SYT1: variants seen among roughly 807,000 people sequenced by gnomAD.
SYT1 encodes the protein synaptotagmin-1.
In SYT1, 8 loss-of-function variants were observed where a neutral mutation model predicts 44.8. That is an observed-to-expected ratio of 0.18 (90% CI 0.10 to 0.32). SYT1 has a LOEUF of 0.32. Ranked by LOEUF, SYT1 falls within the 10% of genes least tolerant of loss-of-function variation. The pLI is 1.00. For synonymous variants in SYT1, 154 were observed against 188.8 expected, an observed-to-expected ratio of 0.82 and a Z score of 1.51; for missense variants, 286 against 509.3, an observed-to-expected ratio of 0.56 and a Z score of 4.22.
chr12:78,916,006 G>C (rs533321354), intron 1 of SYT1, among the ~76,000 whole-genome samples: 16 of 152,094 alleles, frequency 1.1e-4, no homozygotes, highest in African/African-American at 3.9e-4. Context: ...ATTTATTCTA[G>C]ACTTTAATCG....
chr12:79,410,821 T>C (rs1456590016), intron 9 of SYT1, among the ~76,000 whole-genome samples: 1 of 152,302 alleles, frequency 6.6e-6, no homozygotes, highest in East Asian at 1.9e-4. Flanking sequence ...TATTGGGGGC[T>C]GTATCAAAAA....
rs373462016 is a variant in SYT1, at chr12:79,324,311, T to G, written c.810+24760T>G. Among the ~76,000 whole-genome samples the G allele has an allele frequency of 3.2e-4, 49 of 152,312 alleles. 1 individual carries two copies. Among genetic ancestry groups the G allele is most frequent in the East Asian group, 9.6e-4 (5 of 5,186 alleles). On this transcript the variant is annotated intron_variant, in intron 8 of 10. Coordinates refer to ENST00000261205, the MANE Select transcript of SYT1 (RefSeq NM_005639.3). ...ACACACAGGGAGATAACACATTTGATGTAACAAATGACCGTGCTTTCAGAA... is the reference window on the plus strand; with the variant it reads ...ACACACAGGGAGATAACACATTTGAGGTAACAAATGACCGTGCTTTCAGAA...
rs138404231 is a variant in SYT1, at chr12:78,927,039, G to T, written c.-216-50760G>T. On this transcript the variant is annotated intron_variant, in intron 1 of 10. Coordinates refer to ENST00000261205, the MANE Select transcript of SYT1 (RefSeq NM_005639.3). ...AGTAATACACAGATGCTTACTGATT[G>T]GTTAGTACCCTTCTTTCACATTTCT... Among the ~76,000 whole-genome samples, 57 of 152,138 alleles carry T rather than the reference G, an allele frequency of 3.7e-4. 1 individual carries two copies. In the East Asian group the frequency reaches 0.01, roughly 27 times the overall value.
At chr12:78,984,224 C>T (rs1175690777) in intron 2 of SYT1, among the ~76,000 whole-genome samples, 1 of 151,680 alleles carries the variant, frequency 6.6e-6, no homozygotes, top group African/African-American at 2.4e-5. Context: ...CCTTACATAC[C>T]TGTGATGGTT....
chr12:79,152,676 A>T (rs899562002), intron 3 of SYT1, among the ~76,000 whole-genome samples: 3 of 152,126 alleles, frequency 2.0e-5, no homozygotes, highest in Admixed American at 6.6e-5. Flanking sequence ...GTATGCTGAG[A>T]GTGAGGACAC....
intron 1 of SYT1, among the ~76,000 whole-genome samples, chr12:78,966,006 G>A (rs565987661): frequency 2.6e-5 from 4 of 151,482 alleles, no homozygotes; most frequent in Admixed American, 1.3e-4. Flanking sequence ...GAACCCGGGC[G>A]GCAAAGATTG....
chr12:79,280,568 G>GA (rs1319282371), intron 4 of SYT1, among the ~76,000 whole-genome samples: 6 of 151,474 alleles, frequency 4.0e-5, no homozygotes, highest in Admixed American at 4.0e-4. Flanking sequence ...AAAACCTAGG[G>GA]AAAAAAACTC....
chr12:79,317,537 A>G (rs1324105012), intron 8 of SYT1, among the ~76,000 whole-genome samples: 1 of 152,136 alleles, frequency 6.6e-6, no homozygotes, highest in African/African-American at 2.4e-5. Flanking sequence ...CTTGAAAAAG[A>G]GCAGGACATT....
chr12:79,051,907 A>G (rs1454524677), intron 3 of SYT1, among the ~76,000 whole-genome samples: 2 of 152,114 alleles, frequency 1.3e-5, no homozygotes, highest in African/African-American at 2.4e-5. Context: ...TGGTACCAGT[A>G]CCCTGCTGTT....
chr12:79,025,855 T>G (rs1479228020), intron 2 of SYT1, among the ~76,000 whole-genome samples: 1 of 151,572 alleles, frequency 6.6e-6, no homozygotes, highest in South Asian at 2.1e-4. Flanking sequence ...TTTCAGAAGG[T>G]TGGTAATATT....
intron 1 of SYT1, among the ~76,000 whole-genome samples, chr12:78,952,770 T>C (rs1008232757): frequency 6.6e-6 from 1 of 152,116 alleles, no homozygotes; most frequent in East Asian, 1.9e-4. Flanking sequence ...AGGAGGTTGT[T>C]CGGGATGACA....
chr12:78,913,581 G>A (rs776057719), intron 1 of SYT1, among the ~76,000 whole-genome samples: 33 of 151,872 alleles, frequency 2.2e-4, no homozygotes, highest in Non-Finnish European at 4.3e-4. Context: ...TTTATAAAAT[G>A]CAGAATTCCT....
At chr12:79,389,094 C>T (rs892392596) in intron 9 of SYT1, among the ~76,000 whole-genome samples, 2 of 152,164 alleles carry the variant, frequency 1.3e-5, no homozygotes, top group Non-Finnish European at 2.9e-5. Flanking sequence ...TCTCTCTCTA[C>T]TTACAACAGA....
intron 3 of SYT1, among the ~76,000 whole-genome samples, chr12:79,087,756 G>T (rs1877480566): frequency 6.6e-6 from 1 of 152,148 alleles, no homozygotes; most frequent in South Asian, 2.1e-4. Flanking sequence ...GACAATCCAT[G>T]ATAGAAGCTC....
At chr12:79,173,758 AG>A (rs1364098012) in intron 3 of SYT1, among the ~76,000 whole-genome samples, 1 of 152,094 alleles carries the variant, frequency 6.6e-6, no homozygotes, top group African/African-American at 2.4e-5. Flanking sequence ...GGCTTCAAAA[AG>A]GACCCAGTTA....
intron 6 of SYT1, 72 bp from the exon 7 acceptor site, chr12:79,295,997 T>C (rs1277166526): frequency 1.4e-5 from 21 of 1,484,502 alleles, no homozygotes; most frequent in Non-Finnish European, 1.9e-5. Flanking sequence ...ATATGCAGCA[T>C]TGTGAACAAA....
chr12:79,010,644 G>T (rs1423066943), intron 2 of SYT1, among the ~76,000 whole-genome samples: 1 of 152,050 alleles, frequency 6.6e-6, no homozygotes, highest in Non-Finnish European at 1.5e-5. Context: ...AAAACACCCA[G>T]ATCTTCTGAT....
At chr12:79,124,414 ATCT>A (rs1226663262) in intron 3 of SYT1, among the ~76,000 whole-genome samples, 1 of 152,210 alleles carries the variant, frequency 6.6e-6, no homozygotes, top group East Asian at 1.9e-4. Flanking sequence ...CAAACTCATA[ATCT>A]TCTGAGATTA....
intron 4 of SYT1, among the ~76,000 whole-genome samples, chr12:79,282,348 A>T (rs370887695): frequency 7.9e-5 from 12 of 152,198 alleles, no homozygotes; most frequent in Non-Finnish European, 1.8e-4. Flanking sequence ...TTATGTATCA[A>T]TTTACCTTTG....
Sources: gnomAD v4.1 joint callset for allele counts (sites outside exome capture counted in the v4.1 genomes callset) on GRCh38, gnomAD v4.1.1 for gene constraint, MANE v1.5 for transcripts, NCBI Gene and HGNC (gene_info 2026-07-23, HGNC 2026-07-21) for gene names.